The following FAM193A variants were observed in gnomAD, a reference collection of about 807,000 sequenced individuals.
FAM193A encodes the protein family with sequence similarity 193 member A, also known as protein FAM193A.
A neutral mutation model predicts 126.5 loss-of-function variants in FAM193A; 22 were observed. That is an observed-to-expected ratio of 0.17 (90% CI 0.12 to 0.25). The LOEUF is 0.25. Among genes scored for constraint, FAM193A ranks in the 10% least tolerant of loss-of-function variants. The pLI, the probability that FAM193A is intolerant of heterozygous loss-of-function variation, is 1.00. For synonymous variants in FAM193A, 761 were observed against 646.8 expected (o/e 1.18, Z -2.68); for missense variants, 1,675 against 1,672.8 (o/e 1.00, Z -0.02).
chr4:2,672,363 A>C lies in FAM193A; in HGVS notation c.2322A>C (p.Thr774=), dbSNP rs1407532549. Residue 774 remains threonine, a synonymous_variant, in exon 13 of 21, where the codon ACA becomes ACC. Coordinates refer to ENST00000637812, the MANE Select transcript of FAM193A (RefSeq NM_001366318.2). ...HPTLYATPPF[T]HSKALPPAPV... ...CCTTGTATGCAACGCCCCCCTTCAC[A>C]CACAGTAAGGTAAGTCAGGGCAAAA... The C allele has an allele frequency of 6.2e-7, 1 of 1,614,128 alleles. No individual in the cohort carries two copies. Among genetic ancestry groups the C allele is most frequent in the Admixed American group, 1.7e-5 (1 of 60,022 alleles).
rs150704246 is a variant in FAM193A, at chr4:2,604,343, CATTA to C, written c.501+8018_501+8021del. 7.8e-3 allele frequency among the ~76,000 whole-genome samples: 1,194 copies of C among 152,246 alleles called. 33 individuals carry two copies. In the East Asian group the frequency reaches 0.086, roughly 11 times the overall value. ...GGTTTAGGTGGAAGGCTCAGGACCTCATTAATTGTGTTCTTAAATCCTTCTGTGT... is the reference window on the plus strand; with the variant it reads ...GGTTTAGGTGGAAGGCTCAGGACCTCATTGTGTTCTTAAATCCTTCTGTGT... On this transcript the variant is annotated intron_variant, in intron 2 of 20. Coordinates refer to ENST00000637812, the MANE Select transcript of FAM193A (RefSeq NM_001366318.2).
Position 2,732,292 on chromosome 4 carries a change from C to T in FAM193A, c.*424C>T, listed in dbSNP as rs548217694. The T allele has an allele frequency of 1.4e-4, 29 of 205,500 alleles. 1 individual carries two copies. Among genetic ancestry groups the T allele is most frequent in the African/African-American group, 4.2e-4 (18 of 43,318 alleles). The allele number at this position is 205,500 out of a possible 1,614,324, so 12.7% of individuals were successfully genotyped here. A position where few individuals can be genotyped will look rare whatever the true frequency, so the allele number is the denominator to read the frequency against. ...TGCGTCTCACCCTAGGCGGGCTGGG[C>T]GGGGCAGGCCTCCTTTGTTCTCCAC... is the stretch of plus-strand genomic sequence containing the variant. On this transcript the variant is annotated 3_prime_UTR_variant, in exon 21 of 21. Transcript: ENST00000637812.
intron 1 of FAM193A, among the ~76,000 whole-genome samples, chr4:2,565,254 CTT>C (rs71644338): frequency 5.9e-5 from 3 of 50,674 alleles, no homozygotes; most frequent in East Asian, 7.4e-4. Context: ...ATAGAGTAGC[CTT>C]TTTTTTTTTT....
chr4:2,644,529 T>C (rs1451023606), intron 6 of FAM193A, among the ~76,000 whole-genome samples: 2 of 152,164 alleles, frequency 1.3e-5, no homozygotes, highest in Non-Finnish European at 2.9e-5. Context: ...AGGAGTTTTG[T>C]CTCCTGAGGG....
chr4:2,665,264 G>C (rs1712982246), intron 12 of FAM193A, among the ~76,000 whole-genome samples: 1 of 151,986 alleles, frequency 6.6e-6, no homozygotes, highest in Admixed American at 6.6e-5. Flanking sequence ...TTGATCATTG[G>C]TAATACATAG....
At chr4:2,711,165 T>C in intron 19 of FAM193A, among the ~76,000 whole-genome samples, 1 of 152,128 alleles carries the variant, frequency 6.6e-6, no homozygotes, top group East Asian at 1.9e-4. Context: ...GTGCTTTCTT[T>C]TGTTTTACTT....
chr4:2,635,364 A>G (rs1258780387), intron 5 of FAM193A, among the ~76,000 whole-genome samples: 2 of 152,206 alleles, frequency 1.3e-5, no homozygotes, highest in African/African-American at 4.8e-5. Flanking sequence ...ATGCAGACTT[A>G]CATCAGTACT....
At chr4:2,603,840 AATTATT>A (rs571310033) in intron 2 of FAM193A, among the ~76,000 whole-genome samples, 4 of 149,960 alleles carry the variant, frequency 2.7e-5, no homozygotes, top group African/African-American at 7.4e-5. Flanking sequence ...ATATCTCTTG[AATTATT>A]ATTATTATTA....
At chr4:2,615,432 C>T (rs928717552) in intron 2 of FAM193A, among the ~76,000 whole-genome samples, 3 of 152,162 alleles carry the variant, frequency 2.0e-5, no homozygotes, top group African/African-American at 7.2e-5. Flanking sequence ...GTATGTTTTT[C>T]ATTCTACTCA....
chr4:2,543,764 A>G (rs1016728178), intron 1 of FAM193A, among the ~76,000 whole-genome samples: 2 of 148,954 alleles, frequency 1.3e-5, no homozygotes, highest in African/African-American at 2.4e-5. Context: ...AGGCTGAGAC[A>G]TGAGAATCGC....
chr4:2,591,122 A>T (rs1279604677), intron 1 of FAM193A, among the ~76,000 whole-genome samples: 1 of 152,028 alleles, frequency 6.6e-6, no homozygotes, highest in Non-Finnish European at 1.5e-5. Context: ...AAATTCACAG[A>T]ATAAAAAAGT....
At chr4:2,619,636 T>A (rs1359347462) in intron 2 of FAM193A, among the ~76,000 whole-genome samples, 1 of 152,110 alleles carries the variant, frequency 6.6e-6, no homozygotes, top group Non-Finnish European at 1.5e-5. Context: ...CCCAAAGTGC[T>A]GGGATAATAG....
chr4:2,711,362 T>C (rs1003547261), intron 19 of FAM193A, among the ~76,000 whole-genome samples: 1 of 151,510 alleles, frequency 6.6e-6, no homozygotes, highest in East Asian at 2.0e-4. Context: ...GTTTTTGAGA[T>C]GGAGTCTCTC....
At chr4:2,596,902 G>A (rs1197101307) in intron 2 of FAM193A, among the ~76,000 whole-genome samples, 1 of 152,156 alleles carries the variant, frequency 6.6e-6, no homozygotes, top group African/African-American at 2.4e-5. Flanking sequence ...CACATTCTAG[G>A]CCTCTTCTGT....
At chr4:2,717,491 G>A (rs1341948102) in intron 20 of FAM193A, among the ~76,000 whole-genome samples, 2 of 151,658 alleles carry the variant, frequency 1.3e-5, no homozygotes, top group Non-Finnish European at 2.9e-5. Context: ...AGCTACTCAG[G>A]AGGCTGAGGC....
At chr4:2,630,899 G>A (rs1339591671) in intron 4 of FAM193A, 36 bp from the exon 5 acceptor site, 15 of 1,271,650 alleles carry the variant, frequency 1.2e-5, no homozygotes, top group Non-Finnish European at 1.7e-5. Flanking sequence ...CATGGGCCCT[G>A]GTGGGCAGGC....
chr4:2,599,460 C>T (rs1214225979), intron 2 of FAM193A, among the ~76,000 whole-genome samples: 5 of 152,184 alleles, frequency 3.3e-5, no homozygotes, highest in African/African-American at 1.2e-4. Context: ...CTGCAGCTTT[C>T]TGCATCCAGA....
intron 13 of FAM193A, among the ~76,000 whole-genome samples, chr4:2,681,853 G>A (rs77167939): frequency 0.065 from 9,898 of 151,836 alleles, 605 homozygotes; most frequent in African/African-American, 0.16. Flanking sequence ...ACTGCGTCCC[G>A]TAAGTTTCAG....
chr4:2,625,834 C>T (rs1355105589), intron 3 of FAM193A, among the ~76,000 whole-genome samples: 1 of 151,644 alleles, frequency 6.6e-6, no homozygotes, highest in Non-Finnish European at 1.5e-5. Flanking sequence ...TCAAGTGATC[C>T]TCCCACCTCA....
Sources: allele counts gnomAD v4.1 joint callset (sites outside exome capture counted in the v4.1 genomes callset), GRCh38; gene constraint gnomAD v4.1.1; transcripts MANE v1.5; gene names NCBI Gene and HGNC (gene_info 2026-07-23, HGNC 2026-07-21).